NRG3: variants seen among roughly 807,000 people sequenced by gnomAD.
The protein encoded by NRG3 is neuregulin 3, also known as pro-neuregulin-3, membrane-bound isoform.
A neutral mutation model predicts 66.9 loss-of-function variants in NRG3; 31 were observed. That is an observed-to-expected ratio of 0.46 (90% CI 0.35 to 0.63). NRG3 has a LOEUF of 0.63. Among genes scored for constraint, NRG3 ranks in the 20% least tolerant of loss-of-function variants. The pLI is 0.00. For synonymous variants in NRG3, 393 were observed against 359.4 expected (o/e 1.09, Z -1.06); for missense variants, 910 against 878.9 (o/e 1.04, Z -0.45).
At position 81,940,874 on chromosome 10, in the gene NRG3, A is replaced by T. The variant is rs183634014; in HGVS notation, c.823+64711A>T. Among the ~76,000 whole-genome samples, 342 of 152,204 alleles carry T rather than the reference A, an allele frequency of 2.2e-3. 1 individual carries two copies. The highest frequency in any genetic ancestry group is 0.01 in the Middle Eastern group (3 of 294). On this transcript the variant is annotated intron_variant, in intron 1 of 8. Transcript: ENST00000372141. ...AGGTACCGAATGTATATCCTATCAC[A>T]TCTTGATTTGGATGAGGCTTTTCAT... is the stretch of plus-strand genomic sequence containing the variant.
intron 1 of NRG3, among the ~76,000 whole-genome samples, chr10:81,918,984 CACACACACACATACAT>C (rs1845982429): frequency 2.0e-5 from 3 of 150,766 alleles, no homozygotes; most frequent in African/African-American, 7.4e-5. Context: ...AACACACACA[CACACACACACATACAT>C]ACACACACAC....
At chr10:82,215,698 A>G (rs148259498) in intron 1 of NRG3, among the ~76,000 whole-genome samples, 91 of 152,306 alleles carry the variant, frequency 6.0e-4, no homozygotes, top group African/African-American at 1.9e-3. Context: ...TCTGTTGACA[A>G]CACTATTGAC....
At chr10:81,978,820 C>T (rs1224783368) in intron 1 of NRG3, among the ~76,000 whole-genome samples, 1 of 151,940 alleles carries the variant, frequency 6.6e-6, no homozygotes, top group Non-Finnish European at 1.5e-5. Context: ...TCTCCAAAAA[C>T]ATTGGGATTA....
At chr10:82,669,640 C>T (rs1449854717) in intron 2 of NRG3, among the ~76,000 whole-genome samples, 2 of 152,084 alleles carry the variant, frequency 1.3e-5, no homozygotes, top group Non-Finnish European at 2.9e-5. Flanking sequence ...TTTAAAAAGC[C>T]GCAACATGCC....
intron 1 of NRG3, among the ~76,000 whole-genome samples, chr10:81,926,891 GATA>G (rs1388722723): frequency 6.6e-6 from 1 of 152,110 alleles, no homozygotes; most frequent in Admixed American, 6.5e-5. Flanking sequence ...ATATAAATGA[GATA>G]ATAATATTTA....
At chr10:82,600,046 A>T (rs1173025081) in intron 2 of NRG3, among the ~76,000 whole-genome samples, 2 of 152,172 alleles carry the variant, frequency 1.3e-5, no homozygotes, top group African/African-American at 4.8e-5. Context: ...TCTGATGATT[A>T]CCATATTTCT....
At chr10:82,688,777 A>AAAAAG (rs917740810) in intron 2 of NRG3, among the ~76,000 whole-genome samples, 1 of 151,766 alleles carries the variant, frequency 6.6e-6, no homozygotes, top group African/African-American at 2.4e-5. Context: ...TAGAAAAAAA[A>AAAAAG]AAAAGAAAAG....
At chr10:82,569,021 T>C (rs1445409305) in intron 2 of NRG3, among the ~76,000 whole-genome samples, 1 of 151,778 alleles carries the variant, frequency 6.6e-6, no homozygotes, top group Admixed American at 6.6e-5. Flanking sequence ...TAAATTTCCA[T>C]TCCTGATATC....
intron 2 of NRG3, among the ~76,000 whole-genome samples, chr10:82,694,377 G>A (rs973950436): frequency 1.6e-4 from 24 of 152,112 alleles, no homozygotes; most frequent in African/African-American, 5.6e-4. Flanking sequence ...TTAAAAATTT[G>A]GGCAGATTAT....
chr10:82,703,864 G>T (rs2056088525), intron 2 of NRG3, among the ~76,000 whole-genome samples: 2 of 152,030 alleles, frequency 1.3e-5, no homozygotes, highest in Admixed American at 6.6e-5. Context: ...CCCAGAACTG[G>T]TTAATCAAAT....
At chr10:82,422,006 A>G (rs573735339) in intron 2 of NRG3, among the ~76,000 whole-genome samples, 2 of 152,222 alleles carry the variant, frequency 1.3e-5, no homozygotes, top group South Asian at 4.1e-4. Context: ...AACTTCGACC[A>G]CATTTGCTTT....
chr10:82,877,537 C>CTTTTTT (rs61471998), intron 4 of NRG3, among the ~76,000 whole-genome samples: 4 of 74,942 alleles, frequency 5.3e-5, no homozygotes, highest in Non-Finnish European at 7.0e-5. Flanking sequence ...CCACACCCGG[C>CTTTTTT]TTTTTTTTTT....
At chr10:81,889,831 A>C (rs1390768426) in intron 1 of NRG3, among the ~76,000 whole-genome samples, 1 of 152,168 alleles carries the variant, frequency 6.6e-6, no homozygotes, top group Admixed American at 6.6e-5. Context: ...GGTTTTTGAA[A>C]GGAAGGCGAA....
At chr10:82,598,809 G>A (rs565523793) in intron 2 of NRG3, among the ~76,000 whole-genome samples, 15 of 152,286 alleles carry the variant, frequency 9.8e-5, no homozygotes, top group African/African-American at 3.6e-4. Context: ...CAGCACTTTG[G>A]GAGGCCAAGG....
intron 2 of NRG3, among the ~76,000 whole-genome samples, chr10:82,447,911 G>A (rs2090823155): frequency 6.6e-6 from 1 of 152,316 alleles, no homozygotes; most frequent in Non-Finnish European, 1.5e-5. Flanking sequence ...TTCAACTGGT[G>A]CAAGACTTAT....
intron 1 of NRG3, among the ~76,000 whole-genome samples, chr10:82,034,447 T>C (rs950954554): frequency 2.0e-5 from 3 of 152,098 alleles, no homozygotes; most frequent in Non-Finnish European, 4.4e-5. Context: ...AATAAGTAGA[T>C]TTTTGGATTT....
chr10:82,624,845 CTT>C (rs2133657127), intron 2 of NRG3, among the ~76,000 whole-genome samples: 1 of 146,564 alleles, frequency 6.8e-6, no homozygotes, highest in South Asian at 2.1e-4. Context: ...TTAAACCTAA[CTT>C]AGTACTTGGG....
intron 1 of NRG3, among the ~76,000 whole-genome samples, chr10:82,175,937 T>C (rs2073002127): frequency 6.6e-6 from 1 of 152,214 alleles, no homozygotes; most frequent in African/African-American, 2.4e-5. Flanking sequence ...CCTAGTGAGA[T>C]ATCTGTGGTC....
intron 2 of NRG3, among the ~76,000 whole-genome samples, chr10:82,720,511 A>T (rs989360107): frequency 6.6e-6 from 1 of 152,174 alleles, no homozygotes; most frequent in Non-Finnish European, 1.5e-5. Context: ...TTTAATGTTG[A>T]AATCAAATCT....
Sources: allele counts gnomAD v4.1 joint callset (sites outside exome capture counted in the v4.1 genomes callset), GRCh38; gene constraint gnomAD v4.1.1; transcripts MANE v1.5; gene names NCBI Gene and HGNC (gene_info 2026-07-23, HGNC 2026-07-21).